ENTHD1: variants seen among roughly 807,000 people sequenced by gnomAD.
ENTHD1 encodes the protein ENTH domain-containing protein 1.
A neutral mutation model predicts 39.1 loss-of-function variants in ENTHD1; 23 were observed. That is an observed-to-expected ratio of 0.59 (90% CI 0.42 to 0.83). The LOEUF (loss-of-function observed/expected upper bound fraction) is 0.83. ENTHD1 is among the 40% of genes least tolerant of loss of function. The pLI is 0.00. For synonymous variants in ENTHD1, 230 were observed against 258.2 expected (o/e 0.89, Z 1.05); for missense variants, 624 against 705.4 (o/e 0.88, Z 1.31).
intron 6 of ENTHD1, among the ~76,000 whole-genome samples, chr22:39,761,027 A>G (rs572663248): frequency 1.4e-4 from 22 of 152,132 alleles, no homozygotes; most frequent in Non-Finnish European, 2.8e-4. Flanking sequence ...ATTTATCCAC[A>G]TATTTATAAT....
chr22:39,858,670 G>C (rs920376972), intron 3 of ENTHD1, among the ~76,000 whole-genome samples: 3 of 152,220 alleles, frequency 2.0e-5, no homozygotes, highest in African/African-American at 7.2e-5. Context: ...TAAACACTGT[G>C]TTTTAGCAGG....
At chr22:39,827,513 A>T (rs1040187058) in intron 4 of ENTHD1, among the ~76,000 whole-genome samples, 1 of 152,200 alleles carries the variant, frequency 6.6e-6, no homozygotes, top group African/African-American at 2.4e-5. Flanking sequence ...TGAGAAACCA[A>T]AAAGGAAAAT....
chr22:39,892,725 G>T (rs920507802), intron 1 of ENTHD1, among the ~76,000 whole-genome samples: 4 of 152,166 alleles, frequency 2.6e-5, no homozygotes, highest in East Asian at 1.9e-4. Context: ...TCTCTGAAAA[G>T]ATGCATTTAA....
In ENTHD1 at chr22:39,743,469, C is replaced by A. The variant is rs541874412; in HGVS notation, c.*210G>T. 4 of 508,304 alleles carry A rather than the reference C, an allele frequency of 7.9e-6. No individual in the cohort carries two copies. The South Asian group carries it at 1.5e-4, about 20-fold the overall frequency. 31.5% of individuals were successfully genotyped at this position (508,304 alleles called of 1,614,324 possible). A position where few individuals can be genotyped will look rare whatever the true frequency, so the allele number is the denominator to read the frequency against. On this transcript the variant is annotated 3_prime_UTR_variant, in exon 7 of 7. Transcript: ENST00000325157. ...GTTTCAAATGAACTAATATCTAAAT[C>A]TGAAATTATCAAAGGTGACATCTTT... is the stretch of plus-strand genomic sequence containing the variant.
At chr22:39,873,872 T>TA (rs2066264660) in intron 2 of ENTHD1, among the ~76,000 whole-genome samples, 1 of 152,068 alleles carries the variant, frequency 6.6e-6, no homozygotes, top group South Asian at 2.1e-4. Flanking sequence ...TCTGACAAGG[T>TA]AAAAAAGGCA....
At chr22:39,845,262 A>G (rs752165203) in intron 3 of ENTHD1, among the ~76,000 whole-genome samples, 1 of 152,106 alleles carries the variant, frequency 6.6e-6, no homozygotes, top group South Asian at 2.1e-4. Context: ...TGTTAACCCC[A>G]TTTTACAGAA....
chr22:39,885,550 G>C (rs1242839540), intron 2 of ENTHD1, among the ~76,000 whole-genome samples: 1 of 152,082 alleles, frequency 6.6e-6, no homozygotes, highest in African/African-American at 2.4e-5. Context: ...ACACTCCCAT[G>C]TTCAGTGCAA....
In ENTHD1 at chr22:39,887,810, C is replaced by T. The variant is rs565916590; in HGVS notation, c.-62G>A. 14 of 1,271,844 alleles carry T rather than the reference C, an allele frequency of 1.1e-5. 1 individual carries two copies. Among genetic ancestry groups the T allele is most frequent in the Admixed American group, 7.2e-5 (3 of 41,900 alleles). 78.8% of individuals were successfully genotyped at this position (1,271,844 alleles called of 1,614,324 possible). On this transcript the variant is annotated 5_prime_UTR_variant, in exon 2 of 7. The change creates a new upstream start codon in the 5' untranslated region. Coordinates refer to ENST00000325157, the MANE Select transcript of ENTHD1 (RefSeq NM_152512.4). ...AGCAATGGAATAACAGTTTATGTCA[C>T]GGGTTTATAAAACTCTTGACAGGTA...
chr22:39,759,610 G>C (rs2065214140), intron 6 of ENTHD1, among the ~76,000 whole-genome samples: 1 of 151,608 alleles, frequency 6.6e-6, no homozygotes, highest in Non-Finnish European at 1.5e-5. Context: ...TCCTTTTACT[G>C]ACTTTAGGTT....
chr22:39,890,531 A>AT (rs902440228), intron 1 of ENTHD1, among the ~76,000 whole-genome samples: 7 of 151,694 alleles, frequency 4.6e-5, no homozygotes, highest in African/African-American at 1.2e-4. Flanking sequence ...ACAAATGTTA[A>AT]TTTTTTTTTC....
intron 2 of ENTHD1, chr22:39,875,631 C>T: frequency 1.1e-5 from 17 of 1,612,182 alleles, no homozygotes; most frequent in Non-Finnish European, 1.4e-5. Context: ...AAAGGTTTCT[C>T]CTATTTGGTA....
chr22:39,846,506 C>T (rs944068551), intron 3 of ENTHD1, among the ~76,000 whole-genome samples: 1 of 152,104 alleles, frequency 6.6e-6, no homozygotes, highest in East Asian at 1.9e-4. Flanking sequence ...TCCCATTTGT[C>T]GATTTTGACT....
rs2065779138 is a variant in ENTHD1, at chr22:39,821,056, A to G, written c.769T>C (p.Ser257Pro). 1 of 1,614,102 alleles carries G rather than the reference A, an allele frequency of 6.2e-7. No homozygotes were observed. The highest frequency in any genetic ancestry group is 8.5e-7 in the Non-Finnish European group (1 of 1,179,970). Reference protein sequence around the residue: ...PELPLLATPPSIVSPITCLSE... With the variant: ...PELPLLATPPPIVSPITCLSE... ...AAGCAAGTGATTGGAGAGACAATGG[A>G]AGGAGGTGTTGCTAGTAAAGGCAGC... The change falls in exon 5 of 7, where the codon TCC (serine) becomes CCC (proline). Residue 257 changes from serine to proline, a missense_variant. By Grantham distance (74) the Ser-to-Pro change is moderately conservative. Coordinates refer to ENST00000325157, the MANE Select transcript of ENTHD1 (RefSeq NM_152512.4).
intron 6 of ENTHD1, among the ~76,000 whole-genome samples, chr22:39,746,720 T>C (rs1331075572): frequency 6.6e-6 from 1 of 152,208 alleles, no homozygotes; most frequent in Non-Finnish European, 1.5e-5. Context: ...GGTAAAGGTC[T>C]AGCTACCAGG....
At chr22:39,805,424 A>T (rs1056494759) in intron 5 of ENTHD1, among the ~76,000 whole-genome samples, 1 of 152,228 alleles carries the variant, frequency 6.6e-6, no homozygotes, top group Non-Finnish European at 1.5e-5. Flanking sequence ...TAGCTGAGCG[A>T]GGGTGGCAGA....
At chr22:39,778,268 C>T (rs2065380752) in intron 5 of ENTHD1, among the ~76,000 whole-genome samples, 2 of 152,066 alleles carry the variant, frequency 1.3e-5, no homozygotes, top group Admixed American at 6.6e-5. Context: ...TCTCCCTTCC[C>T]CGTAGATACT....
At chr22:39,832,788 A>C (rs2065879333) in intron 4 of ENTHD1, among the ~76,000 whole-genome samples, 1 of 152,144 alleles carries the variant, frequency 6.6e-6, no homozygotes, top group Non-Finnish European at 1.5e-5. Context: ...TGAACTGGTA[A>C]ATGTGTGTGA....
intron 3 of ENTHD1, among the ~76,000 whole-genome samples, chr22:39,852,153 T>C (rs2066045620): frequency 6.6e-6 from 1 of 151,122 alleles, no homozygotes; most frequent in African/African-American, 2.4e-5. Flanking sequence ...GGCAACATGG[T>C]GAAACTTTGT....
intron 5 of ENTHD1, among the ~76,000 whole-genome samples, chr22:39,805,148 GA>G (rs1434272938): frequency 6.6e-6 from 1 of 152,174 alleles, no homozygotes; most frequent in Non-Finnish European, 1.5e-5. Flanking sequence ...AGTGTTCTGT[GA>G]ATGAAATAGA....
Sources: allele counts gnomAD v4.1 joint callset (sites outside exome capture counted in the v4.1 genomes callset), GRCh38; gene constraint gnomAD v4.1.1; transcripts MANE v1.5; gene names NCBI Gene and HGNC (gene_info 2026-07-23, HGNC 2026-07-21).